HSPA14: variants seen among roughly 807,000 people sequenced by gnomAD.
HSPA14 encodes heat shock 70 kDa protein 14.
HSPA14 carries 37 observed loss-of-function variants against 65.5 expected under a neutral mutation model. That is an observed-to-expected ratio of 0.56 (90% CI 0.43 to 0.74). HSPA14 has a LOEUF of 0.74. HSPA14 is among the 30% of genes least tolerant of loss of function. The pLI is 0.00. For missense variants in HSPA14, 564 were observed against 607.6 expected (o/e 0.93, Z 0.75); for synonymous variants, 203 against 214.2 (o/e 0.95, Z 0.46).
chr10:14,848,126 C>T (rs1184082799), intron 3 of HSPA14, among the ~76,000 whole-genome samples: 1 of 152,220 alleles, frequency 6.6e-6, no homozygotes, highest in South Asian at 2.1e-4. Flanking sequence ...TAGTACTCTG[C>T]ACCTTTCTAT....
At chr10:14,853,035 T>C (rs1363126607) in intron 8 of HSPA14, among the ~76,000 whole-genome samples, 1 of 151,938 alleles carries the variant, frequency 6.6e-6, no homozygotes, top group Admixed American at 6.6e-5. Flanking sequence ...CCCTTTTGGA[T>C]GTTACAAAAG....
At chr10:14,847,598 C>A (rs1834070760) in intron 3 of HSPA14, among the ~76,000 whole-genome samples, 1 of 152,120 alleles carries the variant, frequency 6.6e-6, no homozygotes, top group Non-Finnish European at 1.5e-5. Flanking sequence ...TGCAAGTATT[C>A]CAGAGTTCTA....
Position 14,849,582 on chromosome 10 carries a change from T to C in HSPA14, c.377-139T>C, listed in dbSNP as rs2272147. The stretch of plus-strand genomic sequence containing the variant: ...TGATTTCAGAGCGCAGAGAAGAAAA[T>C]TGACACGGGGGCGGGGTGGGCAAGC... On this transcript the variant is annotated intron_variant, in intron 5 of 13. Transcript: ENST00000378372. 5.1e-5 allele frequency: 37 copies of C among 727,622 alleles called. No homozygotes were observed. The East Asian group carries it at 8.3e-4, about 16-fold the overall frequency. The allele number at this position is 727,622 out of a possible 1,614,324, so 45.1% of individuals were successfully genotyped here.
chr10:14,857,204 G>A (rs1233987687), intron 10 of HSPA14, among the ~76,000 whole-genome samples: 1 of 152,126 alleles, frequency 6.6e-6, no homozygotes, highest in African/African-American at 2.4e-5. Context: ...CACATAGGTT[G>A]GGTTTTTTCC....
At chr10:14,848,254 A>G (rs1417738379) in intron 3 of HSPA14, among the ~76,000 whole-genome samples, 2 of 152,046 alleles carry the variant, frequency 1.3e-5, no homozygotes, top group Non-Finnish European at 2.9e-5. Flanking sequence ...CAACTTTCTC[A>G]TCTCAGTGGT....
chr10:14,870,588 T>C lies in HSPA14; in HGVS notation c.1381-9T>C, dbSNP rs376350667. 8.5e-5 allele frequency: 135 copies of C among 1,583,054 alleles called. No individual in the cohort carries two copies. The highest frequency in any genetic ancestry group is 1.1e-4 in the Non-Finnish European group (133 of 1,160,306). ...CTGAATTCTCTTCATATTGTTCTTG[T>C]ATAAACAGGTTGTACTCCAGGATTT... is the stretch of plus-strand genomic sequence containing the variant. On this transcript the variant is annotated splice_polypyrimidine_tract_variant and intron_variant, in intron 12 of 13. Transcript: ENST00000378372.
At chr10:14,857,882 A>G (rs547110384) in intron 10 of HSPA14, among the ~76,000 whole-genome samples, 152 of 151,428 alleles carry the variant, frequency 1.0e-3, no homozygotes, top group African/African-American at 3.3e-3. Flanking sequence ...TTTGCAGTTT[A>G]GTTCAATAAG....
chr10:14,870,888 T>C (rs531210062), intron 13 of HSPA14, among the ~76,000 whole-genome samples: 68 of 152,298 alleles, frequency 4.5e-4, no homozygotes, highest in South Asian at 8.3e-4. Context: ...GAACTCTTTA[T>C]TTTGGCTATC....
intron 10 of HSPA14, among the ~76,000 whole-genome samples, chr10:14,858,108 C>T (rs1458582888): frequency 6.6e-6 from 1 of 152,026 alleles, no homozygotes; most frequent in Admixed American, 6.6e-5. Context: ...TTTCCTGACA[C>T]TTTCTCTTGT....
intron 10 of HSPA14, among the ~76,000 whole-genome samples, chr10:14,856,430 C>A (rs78275914): frequency 0.019 from 2,833 of 152,266 alleles, 82 homozygotes; most frequent in African/African-American, 0.064. Context: ...TCCTGTGTCT[C>A]CTCATAACTA....
At chr10:14,860,668 G>A (rs1178711486) in intron 10 of HSPA14, among the ~76,000 whole-genome samples, 2 of 152,100 alleles carry the variant, frequency 1.3e-5, no homozygotes, top group African/African-American at 2.4e-5. Context: ...CCAGGGAGAC[G>A]GTGGACAGAG....
chr10:14,839,592 T>C (rs1456600509), intron 1 of HSPA14, among the ~76,000 whole-genome samples: 2 of 144,350 alleles, frequency 1.4e-5, no homozygotes, highest in Admixed American at 1.4e-4. Flanking sequence ...AAAAAAGAAA[T>C]GGTAATGGTA....
In HSPA14 at chr10:14,871,520, C is replaced by G; in HGVS notation, c.1452-8C>G. 1 of 1,536,426 alleles carries G rather than the reference C, an allele frequency of 6.5e-7. No homozygotes were observed. Among genetic ancestry groups the G allele is most frequent in the Non-Finnish European group, 8.9e-7 (1 of 1,124,240 alleles). On this transcript the variant is annotated splice_region_variant and splice_polypyrimidine_tract_variant and intron_variant, in intron 13 of 13. Transcript: ENST00000378372. ...TGTGCAATGTTCTTTATTTTTTTGT[C>G]TGTTTAGGGATGGATCTTTACATGT... is the stretch of plus-strand genomic sequence containing the variant.
Position 14,867,202 on chromosome 10 carries a change from A to C in HSPA14, c.1113A>C (p.Ala371=). Residue 371 remains alanine, a synonymous_variant, in exon 11 of 14, where the codon GCA becomes GCC. Transcript: ENST00000378372. The part of the protein sequence containing the change: ...IPPDEVIPIG[A]AIEAGILIGK... ...CTGATGAAGTGATCCCTATTGGTGCAGCTATAGAAGCAGGAATTCTTATTG... is the reference window on the plus strand; with the variant it reads ...CTGATGAAGTGATCCCTATTGGTGCCGCTATAGAAGCAGGAATTCTTATTG... The C allele has an allele frequency of 6.2e-7, 1 of 1,613,628 alleles. No individual in the cohort carries two copies. Among genetic ancestry groups the C allele is most frequent in the Non-Finnish European group, 8.5e-7 (1 of 1,179,596 alleles).
chr10:14,862,592 G>A (rs929145414), intron 10 of HSPA14, among the ~76,000 whole-genome samples: 1 of 151,458 alleles, frequency 6.6e-6, no homozygotes, highest in African/African-American at 2.4e-5. Flanking sequence ...ATCCAGGATG[G>A]TCTCAATCTC....
intron 3 of HSPA14, chr10:14,843,516 G>A: frequency 6.4e-7 from 1 of 1,550,658 alleles, no homozygotes; most frequent in South Asian, 1.2e-5. Context: ...GCACTCCTGG[G>A]GTAGCCTCCA....
At chr10:14,847,477 G>GTTCT (rs1834069519) in intron 3 of HSPA14, among the ~76,000 whole-genome samples, 1 of 152,166 alleles carries the variant, frequency 6.6e-6, no homozygotes, top group Non-Finnish European at 1.5e-5. Context: ...TTGTATTGAA[G>GTTCT]TTCTGAATGC....
At chr10:14,867,392 C>A in intron 11 of HSPA14, 97 bp downstream of exon 11, 1 of 795,892 alleles carries the variant, frequency 1.3e-6, no homozygotes, top group Non-Finnish European at 2.0e-6. Context: ...TTATACATAC[C>A]ATGATGTTAC....
Position 14,838,350 on chromosome 10 carries a change from C to T in HSPA14, c.-53C>T, listed in dbSNP as rs922804157. On this transcript the variant is annotated 5_prime_UTR_variant, in exon 1 of 14. Transcript: ENST00000378372. ...GATGGGGCCGTTGGGCGGCCGGTAG[C>T]TGTTGCTGTTGGGGGACCCCCTCAT... is the stretch of plus-strand genomic sequence containing the variant. 1 of 1,538,472 alleles carries T rather than the reference C, an allele frequency of 6.5e-7. No homozygotes were observed. Among genetic ancestry groups the T allele is most frequent in the Non-Finnish European group, 8.8e-7 (1 of 1,136,434 alleles).
Sources: gnomAD v4.1 joint callset for allele counts (sites outside exome capture counted in the v4.1 genomes callset) on GRCh38, gnomAD v4.1.1 for gene constraint, MANE v1.5 for transcripts, NCBI Gene and HGNC (gene_info 2026-07-23, HGNC 2026-07-21) for gene names.